The following TBC1D4 variants were observed in gnomAD, a reference collection of about 807,000 sequenced individuals.
TBC1D4 encodes the protein TBC1 domain family member 4, also known as TBC (Tre-2, BUB2, CDC16) domain-containing protein.
TBC1D4 carries 121 observed loss-of-function variants against 142.5 expected under a neutral mutation model. That is an observed-to-expected ratio of 0.85 (90% CI 0.73 to 0.99). The LOEUF (loss-of-function observed/expected upper bound fraction) is 0.99. TBC1D4 is among the 50% of genes least tolerant of loss of function. The pLI is 0.00. For missense variants in TBC1D4, 1,475 were observed against 1,606.6 expected (o/e 0.92, Z 1.40); for synonymous variants, 630 against 628.2 (o/e 1.00, Z -0.04).
chr13:75,481,149 AGC>A, intron 1 of TBC1D4, 119 bp downstream of exon 1: 1 of 1,400,352 alleles, frequency 7.1e-7, no homozygotes, highest in Non-Finnish European at 9.4e-7. Flanking sequence ...CGCCACGTGG[AGC>A]GCGCGCGCCT....
At chr13:75,341,835 C>T (rs1005218808) in intron 5 of TBC1D4, among the ~76,000 whole-genome samples, 1 of 152,206 alleles carries the variant, frequency 6.6e-6, no homozygotes, top group African/African-American at 2.4e-5. Flanking sequence ...AACAACGGGC[C>T]GGGCACAGTG....
intron 1 of TBC1D4, among the ~76,000 whole-genome samples, chr13:75,460,691 C>T (rs887632378): frequency 2.0e-5 from 3 of 151,978 alleles, no homozygotes; most frequent in Non-Finnish European, 2.9e-5. Flanking sequence ...AAGGCCAAGG[C>T]GGAAGGATCG....
At position 75,326,268 on chromosome 13, in the gene TBC1D4, C is replaced by T. The variant is rs1879243298; in HGVS notation, c.1962G>A (p.Leu654=). The change falls in exon 10 of 21, where the codon CTG becomes CTA. Residue 654 remains leucine, a synonymous_variant. Transcript: ENST00000377636. ...SHPPSSTKRK[L]NLQDGRAQGV... is the part of the protein sequence containing the mutation. ...CCTGAGCCCTCCCATCCTGCAAATT[C>T]AGCTTTCTCTTTGTGCTTGAAGGTG... The T allele has an allele frequency of 1.2e-6, 2 of 1,614,132 alleles. No homozygotes were observed. The highest frequency in any genetic ancestry group is 1.7e-5 in the Admixed American group (1 of 60,012).
rs1185889858 is a variant in TBC1D4 at position 75,366,391 on chromosome 13, T to C, written c.499-3784A>G. Among the ~76,000 whole-genome samples the C allele has an allele frequency of 2.0e-5, 3 of 152,354 alleles. No individual in the cohort carries two copies. In the East Asian group the frequency reaches 5.8e-4, roughly 29 times the overall value. On this transcript the variant is annotated intron_variant, in intron 1 of 20. Coordinates refer to ENST00000377636, the MANE Select transcript of TBC1D4 (RefSeq NM_014832.5). Reference sequence around the variant, plus strand: ...TAAGGTCTCATCGAGATCCACATTCTGTGAGTTAATTTTTGGATTAATGCC... The same window carrying C: ...TAAGGTCTCATCGAGATCCACATTCCGTGAGTTAATTTTTGGATTAATGCC...
intron 1 of TBC1D4, among the ~76,000 whole-genome samples, chr13:75,365,604 TCTC>T (rs1440937761): frequency 6.6e-6 from 1 of 152,216 alleles, no homozygotes; most frequent in Non-Finnish European, 1.5e-5. Flanking sequence ...ATCATAGGAT[TCTC>T]CTGTAGCATA....
intron 13 of TBC1D4, 108 bp from the exon 14 acceptor site, chr13:75,310,259 A>G: frequency 8.8e-7 from 1 of 1,142,612 alleles, no homozygotes; most frequent in Non-Finnish European, 1.3e-6. Flanking sequence ...AAAATGTCAC[A>G]AAGCCGCTTT....
At chr13:75,446,540 G>A (rs1253893530) in intron 1 of TBC1D4, among the ~76,000 whole-genome samples, 3 of 152,168 alleles carry the variant, frequency 2.0e-5, no homozygotes, top group African/African-American at 7.2e-5. Flanking sequence ...TTCAACATTA[G>A]GTTTGACACT....
intron 7 of TBC1D4, among the ~76,000 whole-genome samples, chr13:75,340,723 G>A (rs1880614327): frequency 6.6e-6 from 1 of 152,094 alleles, no homozygotes; most frequent in African/African-American, 2.4e-5. Context: ...GAGGCGGGGG[G>A]ATCACCTGAA....
intron 1 of TBC1D4, among the ~76,000 whole-genome samples, chr13:75,431,463 C>T (rs1297285589): frequency 6.6e-6 from 1 of 152,168 alleles, no homozygotes; most frequent in African/African-American, 2.4e-5. Context: ...CTTATTTTCA[C>T]ATCTATAAAA....
At chr13:75,409,862 G>A (rs1461105551) in intron 1 of TBC1D4, among the ~76,000 whole-genome samples, 1 of 152,166 alleles carries the variant, frequency 6.6e-6, no homozygotes, top group African/African-American at 2.4e-5. Context: ...TAAGATACTA[G>A]TGTTAATTTA....
intron 1 of TBC1D4, among the ~76,000 whole-genome samples, chr13:75,429,568 G>C (rs971977973): frequency 1.3e-5 from 2 of 152,120 alleles, no homozygotes; most frequent in Non-Finnish European, 2.9e-5. Context: ...ATAAAAAAAA[G>C]TTGATAAAAT....
At chr13:75,295,751 AAGC>A (rs1222587864) in intron 17 of TBC1D4, among the ~76,000 whole-genome samples, 2 of 152,226 alleles carry the variant, frequency 1.3e-5, no homozygotes, top group Non-Finnish European at 2.9e-5. Flanking sequence ...ACTACAGATA[AAGC>A]AGTAGTAAGT....
At chr13:75,480,199 G>T (rs566046455) in intron 1 of TBC1D4, among the ~76,000 whole-genome samples, 1 of 152,248 alleles carries the variant, frequency 6.6e-6, no homozygotes, top group South Asian at 2.1e-4. Flanking sequence ...TTTATAGGAT[G>T]TTTTTCTCAT....
At chr13:75,449,445 T>C (rs142560515) in intron 1 of TBC1D4, among the ~76,000 whole-genome samples, 128 of 152,232 alleles carry the variant, frequency 8.4e-4, no homozygotes, top group African/African-American at 2.8e-3. Context: ...GATGTGACTG[T>C]GGTCTCTCTC....
At chr13:75,341,265 A>T (rs1880677373) in intron 6 of TBC1D4, 30 bp from the exon 7 acceptor site, 2 of 1,570,652 alleles carry the variant, frequency 1.3e-6, no homozygotes, top group African/African-American at 2.7e-5. Flanking sequence ...AAAGAACACT[A>T]TGGCAACACC....
intron 1 of TBC1D4, among the ~76,000 whole-genome samples, chr13:75,449,854 G>A (rs888645796): frequency 1.3e-5 from 2 of 151,982 alleles, no homozygotes; most frequent in African/African-American, 4.8e-5. Flanking sequence ...CAAAGTGCTG[G>A]GATTATAGGC....
rs1331271948 is a variant in TBC1D4 at position 75,312,915 on chromosome 13, A to G, written c.2223-17T>C. The G allele has an allele frequency of 6.2e-7, 1 of 1,613,908 alleles. No individual in the cohort carries two copies. The highest frequency in any genetic ancestry group is 1.3e-5 in the African/African-American group (1 of 74,926). On this transcript the variant is annotated splice_polypyrimidine_tract_variant and intron_variant, in intron 12 of 20. Transcript: ENST00000377636. ...TCTCCATCACTGTTGAAAGCAAATA[A>G]ACATATCACTTATAAGGAGAGCTGC...
chr13:75,287,547 C>T (rs542601662), intron 20 of TBC1D4, among the ~76,000 whole-genome samples: 2 of 152,314 alleles, frequency 1.3e-5, no homozygotes, highest in South Asian at 4.1e-4. Context: ...TACAAACCCA[C>T]CTTCCCTAAT....
chr13:75,308,249 C>T (rs1016823089), intron 14 of TBC1D4, among the ~76,000 whole-genome samples: 2 of 152,188 alleles, frequency 1.3e-5, no homozygotes, highest in Admixed American at 6.5e-5. Flanking sequence ...CTAAATGTCA[C>T]CTCCTTTCTT....
Sources: gnomAD v4.1 joint callset for allele counts (sites outside exome capture counted in the v4.1 genomes callset) on GRCh38, gnomAD v4.1.1 for gene constraint, MANE v1.5 for transcripts, NCBI Gene and HGNC (gene_info 2026-07-23, HGNC 2026-07-21) for gene names.